MACROD2: variants seen among roughly 807,000 people sequenced by gnomAD.
MACROD2 encodes the protein mono-ADP ribosylhydrolase 2, also known as ADP-ribose glycohydrolase MACROD2.
A neutral mutation model predicts 70.4 loss-of-function variants in MACROD2; 36 were observed. That is an observed-to-expected ratio of 0.51 (90% confidence interval 0.39 to 0.68). MACROD2 has a LOEUF of 0.68. Among genes scored for constraint, MACROD2 ranks in the 30% least tolerant of loss-of-function variants. The pLI is 0.00. For missense variants in MACROD2, 496 were observed against 538.4 expected (o/e 0.92, Z 0.78); for synonymous variants, 172 against 178.8 (o/e 0.96, Z 0.30).
intron 5 of MACROD2, among the ~76,000 whole-genome samples, chr20:14,767,149 C>T (rs935792484): frequency 6.6e-6 from 1 of 152,054 alleles, no homozygotes; most frequent in African/African-American, 2.4e-5. Context: ...GGCAACATAA[C>T]AAGATCCCAT....
At chr20:15,369,659 G>A (rs2045463497) in intron 6 of MACROD2, among the ~76,000 whole-genome samples, 1 of 152,118 alleles carries the variant, frequency 6.6e-6, no homozygotes, top group Non-Finnish European at 1.5e-5. Flanking sequence ...AAATAGAAGT[G>A]TCTAACGTGG....
At chr20:15,476,593 A>G (rs2047025779) in intron 7 of MACROD2, among the ~76,000 whole-genome samples, 1 of 151,538 alleles carries the variant, frequency 6.6e-6, no homozygotes, top group Non-Finnish European at 1.5e-5. Context: ...AAGTCTGTCA[A>G]CTGAGCACAG....
chr20:14,480,156 G>A lies in MACROD2; in HGVS notation c.272-13323G>A, dbSNP rs574625672. On this transcript the variant is annotated intron_variant, in intron 3 of 17. Transcript: ENST00000684519. ...CAGCCTCCAAAAGTGCTGGGATTAC[G>A]CCACCACACCTGGCCTATAGTTATA... is the stretch of plus-strand genomic sequence containing the variant. Among the ~76,000 whole-genome samples the A allele has an allele frequency of 1.7e-4, 26 of 152,128 alleles. No homozygotes were observed. The East Asian group carries it at 2.3e-3, about 14-fold the overall frequency.
chr20:14,089,663 A>G (rs963077113), intron 3 of MACROD2, among the ~76,000 whole-genome samples: 1 of 152,216 alleles, frequency 6.6e-6, no homozygotes, highest in African/African-American at 2.4e-5. Flanking sequence ...CAGATTTTGC[A>G]GGCATTATAG....
intron 5 of MACROD2, among the ~76,000 whole-genome samples, chr20:14,951,735 C>A (rs1204036332): frequency 4.6e-5 from 7 of 152,050 alleles, no homozygotes; most frequent in African/African-American, 1.7e-4. Flanking sequence ...CTCTGACAAT[C>A]CTCCATGCTT....
At chr20:14,080,943 CA>C (rs2053985800) in intron 2 of MACROD2, among the ~76,000 whole-genome samples, 1 of 152,222 alleles carries the variant, frequency 6.6e-6, no homozygotes, top group African/African-American at 2.4e-5. Flanking sequence ...TGGGTAACTT[CA>C]TGAGAATCTC....
At chr20:14,732,452 G>A (rs1200169411) in intron 5 of MACROD2, among the ~76,000 whole-genome samples, 1 of 152,068 alleles carries the variant, frequency 6.6e-6, no homozygotes, top group African/African-American at 2.4e-5. Flanking sequence ...AAGGCAGAGA[G>A]CATTTTTAGA....
At chr20:14,363,627 T>C (rs951195197) in intron 3 of MACROD2, among the ~76,000 whole-genome samples, 2 of 151,458 alleles carry the variant, frequency 1.3e-5, no homozygotes, top group Non-Finnish European at 2.9e-5. Flanking sequence ...GAGACCATCC[T>C]GGCTAACACA....
intron 5 of MACROD2, among the ~76,000 whole-genome samples, chr20:15,118,242 G>A (rs2076005899): frequency 6.7e-6 from 1 of 149,446 alleles, no homozygotes; most frequent in African/African-American, 2.5e-5. Context: ...TACCAGGCTG[G>A]AGTGCAGTGT....
At chr20:15,495,281 A>G (rs921122734) in intron 7 of MACROD2, among the ~76,000 whole-genome samples, 1 of 152,188 alleles carries the variant, frequency 6.6e-6, no homozygotes, top group Non-Finnish European at 1.5e-5. Context: ...TAAGTGGAGA[A>G]AGAATTGTCC....
intron 3 of MACROD2, among the ~76,000 whole-genome samples, chr20:14,457,095 T>C (rs1022584973): frequency 9.2e-5 from 14 of 151,864 alleles, no homozygotes; most frequent in Non-Finnish European, 1.6e-4. Flanking sequence ...AATTACATAG[T>C]GGAGTTTGTT....
intron 8 of MACROD2, among the ~76,000 whole-genome samples, chr20:15,633,638 T>C (rs1232765695): frequency 1.3e-5 from 2 of 152,224 alleles, no homozygotes; most frequent in African/African-American, 4.8e-5. Context: ...TTACTAGGAC[T>C]GGGTTGCTAT....
At chr20:14,037,561 T>C (rs1356051780) in intron 2 of MACROD2, among the ~76,000 whole-genome samples, 1 of 152,202 alleles carries the variant, frequency 6.6e-6, no homozygotes, top group Non-Finnish European at 1.5e-5. Flanking sequence ...TTTACCCAGC[T>C]CAAAGGAATG....
Position 14,571,866 on chromosome 20 carries a change from C to A in MACROD2, c.301+78358C>A, listed in dbSNP as rs368808925. 2.6e-5 allele frequency among the ~76,000 whole-genome samples: 4 copies of A among 152,004 alleles called. No homozygotes were observed. The East Asian group carries it at 5.8e-4, about 22-fold the overall frequency. ...TCTTAGAAACTTAGCTTACCTAATA[C>A]CTTGTCTTTATGTATTATGTAATTG... On this transcript the variant is annotated intron_variant, in intron 4 of 17. Coordinates refer to ENST00000684519, the MANE Select transcript of MACROD2 (RefSeq NM_001351661.2).
chr20:14,723,640 T>C (rs1290206040), intron 5 of MACROD2, among the ~76,000 whole-genome samples: 1 of 151,398 alleles, frequency 6.6e-6, no homozygotes, highest in Non-Finnish European at 1.5e-5. Context: ...AAATGCCTGT[T>C]GAATTCTCCT....
intron 8 of MACROD2, 117 bp downstream of exon 8, chr20:15,499,964 C>G: frequency 1.2e-6 from 1 of 869,208 alleles, no homozygotes; most frequent in Non-Finnish European, 1.8e-6. Context: ...TTGAGCCAAA[C>G]CTAGCTGACC....
At chr20:15,895,433 T>C (rs924844386) in intron 10 of MACROD2, among the ~76,000 whole-genome samples, 3 of 152,090 alleles carry the variant, frequency 2.0e-5, no homozygotes, top group African/African-American at 7.2e-5. Context: ...CAAAGACAAA[T>C]AAAAAGTAAA....
At chr20:15,239,935 C>G (rs2077046718) in intron 6 of MACROD2, among the ~76,000 whole-genome samples, 1 of 152,086 alleles carries the variant, frequency 6.6e-6, no homozygotes, top group East Asian at 1.9e-4. Flanking sequence ...ATGGTGAGTG[C>G]CTGGGGCCCA....
intron 6 of MACROD2, among the ~76,000 whole-genome samples, chr20:15,352,744 C>T (rs2078241874): frequency 6.6e-6 from 1 of 152,086 alleles, no homozygotes; most frequent in African/African-American, 2.4e-5. Flanking sequence ...AGTGAACTCC[C>T]AGTCACAGTT....
Sources: allele counts gnomAD v4.1 joint callset (sites outside exome capture counted in the v4.1 genomes callset), GRCh38; gene constraint gnomAD v4.1.1; transcripts MANE v1.5; gene names NCBI Gene and HGNC (gene_info 2026-07-23, HGNC 2026-07-21).